The following THOP1 variants were observed in gnomAD, a reference collection of about 807,000 sequenced individuals.
THOP1 encodes thimet oligopeptidase 1, also known as thimet oligopeptidase.
In THOP1, 49 loss-of-function variants were observed where a neutral mutation model predicts 71.8. That is an observed-to-expected ratio of 0.68 (90% CI 0.54 to 0.87). The LOEUF is 0.87. Ranked by LOEUF, THOP1 falls within the 40% of genes least tolerant of loss-of-function variation. The pLI is 0.00. For missense variants in THOP1, 843 were observed against 975.6 expected, an observed-to-expected ratio of 0.86 and a Z score of 1.81; for synonymous variants, 426 against 421.5, an observed-to-expected ratio of 1.01 and a Z score of -0.13.
chr19:2,793,591 G>A (rs1379733233), intron 2 of THOP1, among the ~76,000 whole-genome samples: 6 of 152,112 alleles, frequency 3.9e-5, no homozygotes, highest in Non-Finnish European at 8.8e-5. Context: ...TCGGGAGGCC[G>A]AGGCAGGAGA....
intron 3 of THOP1, among the ~76,000 whole-genome samples, chr19:2,795,562 A>G (rs996746725): frequency 6.6e-6 from 1 of 152,236 alleles, no homozygotes; most frequent in African/African-American, 2.4e-5. Flanking sequence ...AGGGTGACCC[A>G]TGATAGCCGT....
chr19:2,809,214 C>T (rs1261379969), intron 9 of THOP1, among the ~76,000 whole-genome samples: 4 of 152,222 alleles, frequency 2.6e-5, no homozygotes, highest in African/African-American at 9.6e-5. Flanking sequence ...TACTGCTGTA[C>T]AGCGCTGACG....
chr19:2,807,120 G>T, intron 7 of THOP1, 68 bp downstream of exon 7: 1 of 1,513,606 alleles, frequency 6.6e-7, no homozygotes, highest in Admixed American at 2.4e-5. Flanking sequence ...CCAGGGGACA[G>T]TCGGTGCTAC....
intron 9 of THOP1, chr19:2,810,038 G>A (rs1043288026): frequency 1.5e-5 from 8 of 531,738 alleles, no homozygotes; most frequent in African/African-American, 1.2e-4. Context: ...CAGCAGCTCT[G>A]TGGCTAGAGG....
Position 2,801,826 on chromosome 19 carries a change from C to T in THOP1, c.589+2035C>T, listed in dbSNP as rs1916149968. Among the ~76,000 whole-genome samples, 1 of 151,994 alleles carries T rather than the reference C, an allele frequency of 6.6e-6. No individual in the cohort carries two copies. The highest frequency in any genetic ancestry group is 6.5e-5 in the Admixed American group (1 of 15,272). ...CCCAGGTCTCTCCTCCTCACAAAGC[C>T]CCAGGCCCTCTGCCACATTAACCCA... On this transcript the variant is annotated intron_variant, in intron 5 of 12. Coordinates refer to ENST00000307741, the MANE Select transcript of THOP1 (RefSeq NM_003249.5). This position sits in a 1 kb window ranked among gnomAD's most constrained non-coding sequence, Gnocchi z 5.1.
At chr19:2,802,991 A>G (rs1916192057) in intron 5 of THOP1, among the ~76,000 whole-genome samples, 1 of 152,120 alleles carries the variant, frequency 6.6e-6, no homozygotes, top group Non-Finnish European at 1.5e-5. Context: ...TGTGGGGCAC[A>G]TGGTACCGCA....
At chr19:2,794,294 C>T (rs1157592539) in intron 2 of THOP1, among the ~76,000 whole-genome samples, 2 of 152,102 alleles carry the variant, frequency 1.3e-5, no homozygotes, top group East Asian at 3.9e-4. Flanking sequence ...GGATTACAGG[C>T]TTGGCCACCA....
rs1372439135 is a variant in THOP1, at chr19:2,813,646, G to A, written c.*370G>A. ...ACTGGCTCCTGCGCTTTTTTGGTCC[G>A]AGGACGGTGGGACGGCGGGTCAGGG... is the stretch of plus-strand genomic sequence containing the variant. On this transcript the variant is annotated 3_prime_UTR_variant, in exon 13 of 13. Transcript: ENST00000307741. 5.6e-6 allele frequency: 1 copy of A among 177,216 alleles called. No homozygotes were observed. The highest frequency in any genetic ancestry group is 2.4e-5 in the African/African-American group (1 of 42,464). 11.0% of individuals were successfully genotyped at this position (177,216 alleles called of 1,614,324 possible). A position where few individuals can be genotyped will look rare whatever the true frequency, so the allele number is the denominator to read the frequency against.
At chr19:2,787,286 T>G (rs1025652177) in intron 1 of THOP1, among the ~76,000 whole-genome samples, 1 of 152,182 alleles carries the variant, frequency 6.6e-6, no homozygotes, top group Admixed American at 6.5e-5. Flanking sequence ...CCCCCAGCTC[T>G]TTGTCCAGCC....
chr19:2,812,092 G>C (rs892841168), intron 12 of THOP1: 20 of 1,336,384 alleles, frequency 1.5e-5, no homozygotes, highest in Non-Finnish European at 1.9e-5. Flanking sequence ...CTTCCCATAC[G>C]AGTCCTTCCG....
intron 12 of THOP1, chr19:2,812,128 C>A: frequency 2.8e-6 from 4 of 1,425,988 alleles, no homozygotes; most frequent in Non-Finnish European, 2.8e-6. Flanking sequence ...GCCTCAGAGC[C>A]ATGGGCTGAG....
intron 11 of THOP1, 70 bp from the exon 12 acceptor site, chr19:2,811,528 G>T (rs1216939084): frequency 1.3e-6 from 2 of 1,554,746 alleles, no homozygotes; most frequent in Non-Finnish European, 8.7e-7. Flanking sequence ...AGTCTGGCTG[G>T]TTGTCTTCTC....
intron 2 of THOP1, 78 bp from the exon 3 acceptor site, chr19:2,794,686 G>T (rs1195231140): frequency 6.5e-7 from 1 of 1,528,118 alleles, no homozygotes; most frequent in Non-Finnish European, 8.9e-7. Flanking sequence ...ACAGGCCTGG[G>T]AGAGGGGTCC....
chr19:2,802,025 G>GATACCGCTACCTCTCA (rs1166743841), intron 5 of THOP1, among the ~76,000 whole-genome samples: 1 of 149,752 alleles, frequency 6.7e-6, no homozygotes, highest in Non-Finnish European at 1.5e-5. Context: ...CACATCTCCC[G>GATACCGCTACCTCTCA]ATACCGCTAC....
chr19:2,806,978 G>A lies in THOP1; in HGVS notation c.812G>A (p.Gly271Glu), dbSNP rs1916308041. Reference protein sequence around the residue: ...TLRAQKSRLLGFHTHADYVLE... With the variant: ...TLRAQKSRLLEFHTHADYVLE... ...CGGGCCCAGAAGTCCCGCCTGCTGG[G>A]GTTCCACACGCACGCCGACTATGTC... The change falls in exon 7 of 13, where the codon GGG becomes GAG. Residue 271 changes from glycine to glutamate, a missense_variant. Transcript: ENST00000307741. 3 of 1,612,946 alleles carry A rather than the reference G, an allele frequency of 1.9e-6. No individual in the cohort carries two copies. In the Admixed American group the frequency reaches 5.0e-5, roughly 27 times the overall value.
At chr19:2,806,811 T>G (rs1599529900) in intron 6 of THOP1, 106 bp from the exon 7 acceptor site, 1 of 1,574,180 alleles carries the variant, frequency 6.4e-7, no homozygotes, top group Non-Finnish European at 8.6e-7. Context: ...GGACCGGAGG[T>G]CAGACGGAGC....
rs140166259 is a variant in THOP1, at chr19:2,805,256, C to T, written c.750+80C>T. 254 of 1,464,458 alleles carry T rather than the reference C, an allele frequency of 1.7e-4. No individual in the cohort carries two copies. In the African/African-American group the frequency reaches 2.5e-3, roughly 14 times the overall value. The allele number at this position is 1,464,458 out of a possible 1,614,324, so 90.7% of individuals were successfully genotyped here. On this transcript the variant is annotated intron_variant, in intron 6 of 12. Coordinates refer to ENST00000307741, the MANE Select transcript of THOP1 (RefSeq NM_003249.5). The surrounding 1 kb of genome is among the most constrained non-coding windows in gnomAD (Gnocchi z 6.6). ...CCGTCTGCTCCATGTGTGTGAGGCA[C>T]CTCCAGGCTTTGCACTTGGATGGCC... is the stretch of plus-strand genomic sequence containing the variant.
In THOP1 at chr19:2,805,252, G is replaced by A. The variant is rs1315739927; in HGVS notation, c.750+76G>A. The A allele has an allele frequency of 6.1e-6, 9 of 1,468,590 alleles. No homozygotes were observed. The highest frequency in any genetic ancestry group is 1.4e-5 in the South Asian group (1 of 72,328). 91.0% of individuals were successfully genotyped at this position (1,468,590 alleles called of 1,614,324 possible). A position where few individuals can be genotyped will look rare whatever the true frequency, so the allele number is the denominator to read the frequency against. On this transcript the variant is annotated intron_variant, in intron 6 of 12. Coordinates refer to ENST00000307741, the MANE Select transcript of THOP1 (RefSeq NM_003249.5). The surrounding 1 kb of genome is among the most constrained non-coding windows in gnomAD (Gnocchi z 6.6). Reference sequence around the variant, plus strand: ...GGGCCCGTCTGCTCCATGTGTGTGAGGCACCTCCAGGCTTTGCACTTGGAT... The same window carrying A: ...GGGCCCGTCTGCTCCATGTGTGTGAAGCACCTCCAGGCTTTGCACTTGGAT...
Position 2,813,183 on chromosome 19 carries a change from G to A in THOP1, c.1977G>A (p.Arg659=). 1.2e-6 allele frequency: 2 copies of A among 1,612,450 alleles called. No individual in the cohort carries two copies. Among genetic ancestry groups the A allele is most frequent in the Middle Eastern group, 1.7e-4 (1 of 6,054 alleles). ...GGSEDASAML[R]RFLGRDPKQD... ...CCGAGGATGCCAGCGCCATGCTGAG[G>A]CGCTTCCTGGGCCGTGACCCCAAGC... Residue 659 remains arginine (R), a synonymous_variant, in exon 13 of 13, where the codon AGG becomes AGA. Transcript: ENST00000307741.
Sources: gnomAD v4.1 joint callset for allele counts (sites outside exome capture counted in the v4.1 genomes callset) on GRCh38, gnomAD v4.1.1 for gene constraint, Gnocchi (gnomAD v3.1) non-coding constraint, MANE v1.5 for transcripts, NCBI Gene and HGNC (gene_info 2026-07-23, HGNC 2026-07-21) for gene names.